Variants in LY86 observed in about 807,000 individuals in gnomAD.
LY86 encodes MD-1, RP105-associated.
Under a neutral mutation model 17.3 loss-of-function variants are expected in LY86, and 20 were observed. The observed-to-expected ratio is 1.15, with a 90% confidence interval of 0.81 to 1.68. The LOEUF (loss-of-function observed/expected upper bound fraction) is 1.68. Among genes scored for constraint, LY86 ranks in the 40% most tolerant of loss-of-function variants. The probability of loss-of-function intolerance (pLI) is 0.00; values close to 1 mark genes in which losing one functional copy is unlikely to be tolerated. For synonymous variants in LY86, 74 were observed against 70.6 expected, an observed-to-expected ratio of 1.05 and a Z score of -0.24; for missense variants, 200 against 191.9, an observed-to-expected ratio of 1.04 and a Z score of -0.25.
chr6:6,599,935 A>C (rs996198168), intron 1 of LY86, among the ~76,000 whole-genome samples: 4 of 152,074 alleles, frequency 2.6e-5, no homozygotes, highest in African/African-American at 9.7e-5. Context: ...GATGCTACAT[A>C]ATAAACCAAG....
chr6:6,621,551 C>T (rs1761677579), intron 1 of LY86: 1 of 152,148 alleles, frequency 6.6e-6, no homozygotes, highest in Admixed American at 6.5e-5. Flanking sequence ...TTGGTAAGGT[C>T]TAGAGATATT....
At chr6:6,626,807 A>G (rs537097955) in intron 3 of LY86, among the ~76,000 whole-genome samples, 7 of 149,966 alleles carry the variant, frequency 4.7e-5, no homozygotes, top group Non-Finnish European at 8.8e-5. Flanking sequence ...TCCTTAATAT[A>G]GTAATGGACT....
chr6:6,613,194 C>G (rs922850403), intron 1 of LY86, among the ~76,000 whole-genome samples: 2 of 152,080 alleles, frequency 1.3e-5, no homozygotes, highest in Middle Eastern at 3.2e-3. Context: ...CCACCAGACT[C>G]AGGAGCCCAG....
At chr6:6,605,099 G>A (rs1176263048) in intron 1 of LY86, among the ~76,000 whole-genome samples, 2 of 151,380 alleles carry the variant, frequency 1.3e-5, no homozygotes, top group African/African-American at 4.9e-5. Context: ...TACTTGAAAT[G>A]ACCCCAGAAG....
At chr6:6,637,430 T>C (rs927424701) in intron 3 of LY86, among the ~76,000 whole-genome samples, 3 of 152,206 alleles carry the variant, frequency 2.0e-5, no homozygotes, top group Non-Finnish European at 4.4e-5. Flanking sequence ...GTCAATTCTT[T>C]ATGTTCCTTG....
chr6:6,618,936 G>T (rs1337811694), intron 1 of LY86, among the ~76,000 whole-genome samples: 2 of 152,202 alleles, frequency 1.3e-5, no homozygotes, highest in Admixed American at 6.5e-5. Flanking sequence ...GGTGGGGAGG[G>T]AGTATGAGGG....
In LY86 at chr6:6,590,105, C is replaced by T. The variant is rs145720075; in HGVS notation, c.136+1235C>T. ...TGTACTCCAGCCTGGGCAAGAGGAGCGAAACTCTGTCTTAAAAAAAAAAAA... is the reference window on the plus strand; with the variant it reads ...TGTACTCCAGCCTGGGCAAGAGGAGTGAAACTCTGTCTTAAAAAAAAAAAA... On this transcript the variant is annotated intron_variant, in intron 1 of 4. Coordinates refer to ENST00000230568, the MANE Select transcript of LY86 (RefSeq NM_004271.4). Among the ~76,000 whole-genome samples, 695 of 107,904 alleles carry T rather than the reference C, an allele frequency of 6.4e-3. 5 individuals carry two copies. Among genetic ancestry groups the T allele is most frequent in the African/African-American group, 0.024 (649 of 27,578 alleles). The allele number at this position is 107,904 out of a possible 152,430, so 70.8% of individuals were successfully genotyped here.
In LY86 at chr6:6,612,080, G is replaced by A. The variant is rs188657038; in HGVS notation, c.137-12846G>A. ...TGTTAAAAAGCCAATGTATTAGCAA[G>A]ATTTGAGAAGATCCAAAAGCAAGCT... On this transcript the variant is annotated intron_variant, in intron 1 of 4. Transcript: ENST00000230568. Among the ~76,000 whole-genome samples the A allele has an allele frequency of 3.9e-5, 6 of 152,336 alleles. No individual in the cohort carries two copies. The East Asian group carries it at 1.2e-3, about 29-fold the overall frequency.
intron 4 of LY86, among the ~76,000 whole-genome samples, chr6:6,653,281 G>A (rs1449518394): frequency 1.3e-5 from 2 of 152,024 alleles, no homozygotes; most frequent in Non-Finnish European, 2.9e-5. Context: ...CTTCTCTCCG[G>A]TGGTCTCACC....
rs376603734 is a variant in LY86, at chr6:6,614,438, G to T, written c.137-10488G>T. Among the ~76,000 whole-genome samples the T allele has an allele frequency of 8.4e-4, 120 of 143,648 alleles. 2 individuals carry two copies. In the South Asian group the frequency reaches 0.025, roughly 30 times the overall value. The allele number at this position is 143,648 out of a possible 152,430, so 94.2% of individuals were successfully genotyped here. A position where few individuals can be genotyped will look rare whatever the true frequency, so the allele number is the denominator to read the frequency against. On this transcript the variant is annotated intron_variant, in intron 1 of 4. Transcript: ENST00000230568. ...TCCCACCTTCAAATCATTGCTCTCC[G>T]CCCGAGCACAGAGCTCCCGCGAGCC...
chr6:6,621,297 T>C (rs1211252113), intron 1 of LY86: 1 of 152,252 alleles, frequency 6.6e-6, no homozygotes, highest in Non-Finnish European at 1.5e-5. Flanking sequence ...CAAAGTCAGA[T>C]GATCCGTCTT....
At chr6:6,605,921 G>A (rs904121081) in intron 1 of LY86, among the ~76,000 whole-genome samples, 46 of 152,208 alleles carry the variant, frequency 3.0e-4, no homozygotes, top group African/African-American at 9.2e-4. Context: ...GAATGAAGCT[G>A]CAGACCTTCA....
At chr6:6,616,280 CA>C (rs902218114) in intron 1 of LY86, among the ~76,000 whole-genome samples, 21 of 152,180 alleles carry the variant, frequency 1.4e-4, no homozygotes, top group Non-Finnish European at 3.1e-4. Flanking sequence ...CTAGGAGGAC[CA>C]GGTTCCGGCA....
chr6:6,620,455 G>T (rs7764776), intron 1 of LY86, among the ~76,000 whole-genome samples: 2,120 of 152,304 alleles, frequency 0.014, 45 homozygotes, highest in African/African-American at 0.047. Flanking sequence ...GGCCACAGGG[G>T]GCGGAGCTAC....
At chr6:6,644,759 G>C (rs191815096) in intron 3 of LY86, among the ~76,000 whole-genome samples, 1 of 152,226 alleles carries the variant, frequency 6.6e-6, no homozygotes, top group East Asian at 1.9e-4. Context: ...CACATGAAAG[G>C]AACGGAAGAA....
chr6:6,603,921 CA>C lies in LY86; in HGVS notation c.136+15059del, dbSNP rs557600324. The stretch of plus-strand genomic sequence containing the variant: ...AAACACTATTAGGCAAAACAGAAAA[CA>C]AAAAAAACTTATCTAACTCTGCCTA... On this transcript the variant is annotated intron_variant, in intron 1 of 4. Coordinates refer to ENST00000230568, the MANE Select transcript of LY86 (RefSeq NM_004271.4). Among the ~76,000 whole-genome samples, 147 of 151,738 alleles carry C rather than the reference CA, an allele frequency of 9.7e-4. No individual in the cohort carries two copies. The Middle Eastern group carries it at 0.014, about 14-fold the overall frequency.
At chr6:6,635,421 C>G (rs1434745592) in intron 3 of LY86, among the ~76,000 whole-genome samples, 2 of 152,174 alleles carry the variant, frequency 1.3e-5, no homozygotes, top group African/African-American at 4.8e-5. Flanking sequence ...TTCTCTTCCT[C>G]TCTGCCTTTC....
intron 1 of LY86, among the ~76,000 whole-genome samples, chr6:6,617,361 T>C (rs1254898202): frequency 6.6e-6 from 1 of 152,088 alleles, no homozygotes; most frequent in African/African-American, 2.4e-5. Context: ...GTGTTTAAAA[T>C]GAAGAGGGGC....
chr6:6,611,811 G>A (rs1260176822), intron 1 of LY86, among the ~76,000 whole-genome samples: 9 of 152,104 alleles, frequency 5.9e-5, no homozygotes, highest in African/African-American at 1.9e-4. Flanking sequence ...TTTAACAATC[G>A]GACCGATAAA....
Sources: allele counts gnomAD v4.1 joint callset (sites outside exome capture counted in the v4.1 genomes callset), GRCh38; gene constraint gnomAD v4.1.1; transcripts MANE v1.5; gene names NCBI Gene and HGNC (gene_info 2026-07-23, HGNC 2026-07-21).